Variants in LECT2 observed in about 807,000 individuals in gnomAD.
LECT2 encodes the protein leukocyte cell-derived chemotaxin-2.
LECT2 carries 11 observed loss-of-function variants against 16.6 expected under a neutral mutation model. The ratio of observed to expected loss-of-function variants is 0.66; its 90% CI spans 0.42 to 1.09. LECT2 has a LOEUF of 1.09. Among genes scored for constraint, LECT2 ranks in the 50% least tolerant of loss-of-function variants. The probability of loss-of-function intolerance (pLI) is 0.00; values close to 1 mark genes in which losing one functional copy is unlikely to be tolerated. For synonymous variants in LECT2, 54 were observed against 64.8 expected, an observed-to-expected ratio of 0.83 and a Z score of 0.80; for missense variants, 173 against 184.2, an observed-to-expected ratio of 0.94 and a Z score of 0.35.
At chr5:135,948,674 T>TAC (rs60126522) in intron 3 of LECT2, among the ~76,000 whole-genome samples, 1 of 147,078 alleles carries the variant, frequency 6.8e-6, no homozygotes, top group African/African-American at 2.5e-5. Flanking sequence ...ATAATAATAA[T>TAC]TATTATTATT....
chr5:135,950,527 C>G (rs1005631297), intron 3 of LECT2, among the ~76,000 whole-genome samples: 1 of 152,156 alleles, frequency 6.6e-6, no homozygotes, highest in Non-Finnish European at 1.5e-5. Flanking sequence ...GGTGTGTTCA[C>G]TTTTTGAAAT....
intron 3 of LECT2, among the ~76,000 whole-genome samples, chr5:135,948,991 A>G (rs1040913692): frequency 2.0e-5 from 3 of 152,192 alleles, no homozygotes; most frequent in East Asian, 1.9e-4. Context: ...TTAAAATTAT[A>G]TATATGACTT....
chr5:135,947,456 T>C lies in LECT2; in HGVS notation c.331A>G (p.Lys111Glu). 6.2e-7 allele frequency: 1 copy of C among 1,613,896 alleles called. No individual in the cohort carries two copies. The highest frequency in any genetic ancestry group is 8.5e-7 in the Non-Finnish European group (1 of 1,179,860). ...TTTTCTCCCTTCTTAATAGGACCTT[T>C]ATACTTAATTGGCTTAATGTAGAAC... is the stretch of plus-strand genomic sequence containing the variant. Reference protein sequence around the residue: ...KMFYIKPIKYKGPIKKGEKLG... With the variant: ...KMFYIKPIKYEGPIKKGEKLG... The change falls in exon 4 of 4, where the codon AAA (lysine) becomes GAA (glutamate). Residue 111 changes from lysine (K) to glutamate (E), a missense_variant. Lys to Glu is a moderately conservative substitution (Grantham distance 56). Transcript: ENST00000274507.
At position 135,947,437 on chromosome 5, in the gene LECT2, C is replaced by G; in HGVS notation, c.350G>C (p.Gly117Ala). ...GGGCAATAGAGTTCCAAGTTTTTCT[C>G]CCTTCTTAATAGGACCTTTATACTT... The part of the protein sequence containing the change: ...PIKYKGPIKK[G>A]EKLGTLLPLQ... The change falls in exon 4 of 4, where the codon GGA becomes GCA. Residue 117 changes from glycine (G) to alanine (A), a missense_variant. By Grantham distance (60) the Gly-to-Ala change is moderately conservative. Coordinates refer to ENST00000274507, the MANE Select transcript of LECT2 (RefSeq NM_002302.3). 5.0e-6 allele frequency: 8 copies of G among 1,614,030 alleles called. No individual in the cohort carries two copies. The highest frequency in any genetic ancestry group is 6.8e-6 in the Non-Finnish European group (8 of 1,179,948).
At chr5:135,948,554 A>G (rs1031727031) in intron 3 of LECT2, among the ~76,000 whole-genome samples, 5 of 152,088 alleles carry the variant, frequency 3.3e-5, no homozygotes, top group African/African-American at 1.2e-4. Context: ...TATCTCAATA[A>G]TTTTTGTATT....
At chr5:135,951,453 T>C in intron 2 of LECT2, 85 bp from the exon 3 acceptor site, 3 of 1,288,682 alleles carry the variant, frequency 2.3e-6, no homozygotes, top group East Asian at 2.3e-5. Context: ...GCCCACTGTT[T>C]GCAGACGAGG....
chr5:135,948,014 A>G (rs1763727464), intron 3 of LECT2, among the ~76,000 whole-genome samples: 1 of 152,212 alleles, frequency 6.6e-6, no homozygotes, highest in South Asian at 2.1e-4. Context: ...TTGGGTTGAA[A>G]AGCAAACCCC....
intron 1 of LECT2, 154 bp from the exon 2 acceptor site, chr5:135,953,121 T>C: frequency 1.8e-6 from 1 of 569,806 alleles, no homozygotes; most frequent in East Asian, 3.0e-5. Context: ...CCTTCCAGAA[T>C]TTTATTTCCT....
Position 135,947,244 on chromosome 5 carries a change from T to G in LECT2, c.*87A>C. On this transcript the variant is annotated 3_prime_UTR_variant, in exon 4 of 4. Coordinates refer to ENST00000274507, the MANE Select transcript of LECT2 (RefSeq NM_002302.3). ...CATCCCTTCATGCATTTTTCCTTTG[T>G]GAACACAAATTTCTTGAAGAGAAGG... 6.1e-6 allele frequency: 8 copies of G among 1,302,398 alleles called. No homozygotes were observed. The highest frequency in any genetic ancestry group is 8.6e-6 in the Non-Finnish European group (8 of 925,912). 80.7% of individuals were successfully genotyped at this position (1,302,398 alleles called of 1,614,324 possible).
intron 2 of LECT2, among the ~76,000 whole-genome samples, chr5:135,951,898 T>A (rs116179500): frequency 1.2e-4 from 18 of 152,324 alleles, no homozygotes; most frequent in African/African-American, 4.3e-4. Flanking sequence ...CAAATCAAAC[T>A]ATTCTAGATT....
rs1389588114 is a variant in LECT2 at position 135,951,315 on chromosome 5, A to G, written c.197T>C (p.Val66Ala). 5.6e-6 allele frequency: 9 copies of G among 1,613,878 alleles called. No homozygotes were observed. The highest frequency in any genetic ancestry group is 1.3e-5 in the African/African-American group (1 of 74,934). The change falls in exon 3 of 4, where the codon GTG (valine) becomes GCG (alanine). Residue 66 changes from valine to alanine, a missense_variant. Val to Ala is a moderately conservative substitution (Grantham distance 64). Coordinates refer to ENST00000274507, the MANE Select transcript of LECT2 (RefSeq NM_002302.3). ...VDILCSAGST[V>A]YAPFTGMIVG... ...AATCATTCCAGTGAATGGTGCGTAC[A>G]CAGTAGATCCAGCAGAGCACAAGAT...
At position 135,953,028 on chromosome 5, in the gene LECT2, C is replaced by A. The variant is rs139117339; in HGVS notation, c.47-61G>T. 101 of 1,094,960 alleles carry A rather than the reference C, an allele frequency of 9.2e-5. No homozygotes were observed. The African/African-American group carries it at 1.5e-3, about 16-fold the overall frequency. 67.8% of individuals were successfully genotyped at this position (1,094,960 alleles called of 1,614,324 possible). On this transcript the variant is annotated intron_variant, in intron 1 of 3. Coordinates refer to ENST00000274507, the MANE Select transcript of LECT2 (RefSeq NM_002302.3). Reference sequence around the variant, plus strand: ...CTCAGACATTTCCTATCCCCATTTGCCTTATCAGTCACACAGTTGATCCTG... The same window carrying A: ...CTCAGACATTTCCTATCCCCATTTGACTTATCAGTCACACAGTTGATCCTG...
chr5:135,951,535 A>C, intron 2 of LECT2, 167 bp from the exon 3 acceptor site: 1 of 543,396 alleles, frequency 1.8e-6, no homozygotes, highest in Non-Finnish European at 3.2e-6. Flanking sequence ...CCCAATTTTA[A>C]CCTCCCTCCC....
intron 3 of LECT2, 153 bp downstream of exon 3, chr5:135,951,070 C>T (rs1763786258): frequency 1.4e-6 from 1 of 727,878 alleles, no homozygotes. Context: ...TTAAAAAATG[C>T]ATCAGCTAGT....
intron 2 of LECT2, among the ~76,000 whole-genome samples, chr5:135,951,888 C>G (rs1162743618): frequency 6.6e-6 from 1 of 152,112 alleles, no homozygotes; most frequent in Non-Finnish European, 1.5e-5. Flanking sequence ...GCATGGAGCC[C>G]AAATCAAACT....
Position 135,952,938 on chromosome 5 carries a change from C to T in LECT2, c.76G>A (p.Ala26Thr), listed in dbSNP as rs1211672112. 1 of 1,613,952 alleles carries T rather than the reference C, an allele frequency of 6.2e-7. No individual in the cohort carries two copies. Among genetic ancestry groups the T allele is most frequent in the Admixed American group, 1.7e-5 (1 of 60,008 alleles). The change falls in exon 2 of 4, where the codon GCT becomes ACT. Residue 26 changes from alanine (A) to threonine (T), a missense_variant. Coordinates refer to ENST00000274507, the MANE Select transcript of LECT2 (RefSeq NM_002302.3). ...CGGATCTCATTGGAAGACTTGCCAGCACATATATTAGCCCATGGCCCTGCC... is the reference window on the plus strand; with the variant it reads ...CGGATCTCATTGGAAGACTTGCCAGTACATATATTAGCCCATGGCCCTGCC... ...ALAGPWANIC[A>T]GKSSNEIRTC...
intron 1 of LECT2, 50 bp from the exon 2 acceptor site, chr5:135,953,017 A>G (rs376092900): frequency 8.7e-6 from 11 of 1,265,614 alleles, no homozygotes; most frequent in Non-Finnish European, 1.3e-5. Flanking sequence ...GACATTTCCT[A>G]TCCCCATTTG....
Position 135,954,868 on chromosome 5 carries a change from A to G in LECT2, c.-35T>C. ...CTTCCTTTAGTTTCTTCCTCTGATT[A>G]GAGTTGCCCCCACACTCTCTTTGAA... On this transcript the variant is annotated 5_prime_UTR_variant, in exon 1 of 4. Transcript: ENST00000274507. The G allele has an allele frequency of 6.6e-7, 1 of 1,508,966 alleles. No individual in the cohort carries two copies. Among genetic ancestry groups the G allele is most frequent in the Non-Finnish European group, 9.2e-7 (1 of 1,084,566 alleles). The allele number at this position is 1,508,966 out of a possible 1,614,324, so 93.5% of individuals were successfully genotyped here.
At chr5:135,951,582 A>G (rs914340582) in intron 2 of LECT2, 29 of 484,104 alleles carry the variant, frequency 6.0e-5, no homozygotes, top group Non-Finnish European at 9.9e-5. Flanking sequence ...AGATGAAAGC[A>G]TTTAAAATGG....
Sources: allele counts gnomAD v4.1 joint callset (sites outside exome capture counted in the v4.1 genomes callset), GRCh38; gene constraint gnomAD v4.1.1; transcripts MANE v1.5; gene names NCBI Gene and HGNC (gene_info 2026-07-23, HGNC 2026-07-21).